SNRPG: variants seen among roughly 807,000 people sequenced by gnomAD.
The protein encoded by SNRPG is small nuclear ribonucleoprotein polypeptide G.
A neutral mutation model predicts 13.9 loss-of-function variants in SNRPG; 3 were observed. The observed-to-expected ratio is 0.22, with a 90% confidence interval of 0.10 to 0.56. The LOEUF (loss-of-function observed/expected upper bound fraction) is 0.56. SNRPG is among the 20% of genes least tolerant of loss of function. SNRPG has a pLI of 0.93. For synonymous variants in SNRPG, 29 were observed against 29.3 expected (o/e 0.99, Z 0.03); for missense variants, 34 against 96.1 (o/e 0.35, Z 2.70).
At chr2:70,286,736 A>C (rs1234458189) in intron 3 of SNRPG, among the ~76,000 whole-genome samples, 1 of 152,230 alleles carries the variant, frequency 6.6e-6, no homozygotes, top group South Asian at 2.1e-4. Flanking sequence ...TAAAATTCCA[A>C]TGAGCAGTGT....
intron 3 of SNRPG, among the ~76,000 whole-genome samples, chr2:70,284,415 G>C (rs1051469012): frequency 6.6e-6 from 1 of 152,038 alleles, no homozygotes; most frequent in Non-Finnish European, 1.5e-5. Flanking sequence ...ACAGGGTCTT[G>C]CTCTGTCACC....
intron 3 of SNRPG, among the ~76,000 whole-genome samples, chr2:70,282,681 ATAT>A (rs1321852613): frequency 6.6e-6 from 1 of 152,218 alleles, no homozygotes; most frequent in Non-Finnish European, 1.5e-5. Flanking sequence ...CTGCAACAAG[ATAT>A]TATATAAATA....
At chr2:70,286,894 T>C (rs1484634239) in intron 3 of SNRPG, among the ~76,000 whole-genome samples, 1 of 152,226 alleles carries the variant, frequency 6.6e-6, no homozygotes, top group African/African-American at 2.4e-5. Flanking sequence ...AAATAAGGGC[T>C]GAGAGGAAAA....
At chr2:70,286,203 T>C (rs1032542359) in intron 3 of SNRPG, among the ~76,000 whole-genome samples, 6 of 152,162 alleles carry the variant, frequency 3.9e-5, no homozygotes, top group Admixed American at 3.9e-4. Context: ...GCTGGGATTA[T>C]AGATGTGAGC....
intron 1 of SNRPG, among the ~76,000 whole-genome samples, chr2:70,291,561 A>G (rs1697097371): frequency 6.6e-6 from 1 of 152,188 alleles, no homozygotes; most frequent in Admixed American, 6.6e-5. Flanking sequence ...GTAGCACCAG[A>G]TTCCCTACTC....
rs56202448 is a variant in SNRPG, at chr2:70,291,014, AACACACACAC to A, written c.33-1652_33-1643del. 6.1e-3 allele frequency among the ~76,000 whole-genome samples: 816 copies of A among 133,656 alleles called. 7 individuals are homozygous for A. The highest frequency in any genetic ancestry group is 8.9e-3 in the Admixed American group (113 of 12,742). 87.7% of individuals were successfully genotyped at this position (133,656 alleles called of 152,430 possible). ...CAATAAGAGTGAAACTCCATCTCAA[AACACACACAC>A]ACACACACACACACACACACACACA... On this transcript the variant is annotated intron_variant, in intron 1 of 3. Transcript: ENST00000272348.
intron 2 of SNRPG, 108 bp from the exon 3 acceptor site, chr2:70,288,300 AC>A: frequency 2.4e-6 from 2 of 825,408 alleles, no homozygotes; most frequent in Non-Finnish European, 4.0e-6. Flanking sequence ...TCTGAAACCC[AC>A]TATCCTTACT....
intron 3 of SNRPG, chr2:70,287,482 T>C (rs1696972393): frequency 1.7e-6 from 1 of 578,706 alleles, no homozygotes; most frequent in South Asian, 2.2e-5. Context: ...GAGGGCTCAG[T>C]ATGTGCTTAT....
chr2:70,291,889 A>T (rs774695610), intron 1 of SNRPG, among the ~76,000 whole-genome samples: 2 of 151,312 alleles, frequency 1.3e-5, no homozygotes, highest in African/African-American at 2.4e-5. Context: ...TACTTACATC[A>T]CCAAAAATAA....
chr2:70,292,378 G>A (rs1697122355), intron 1 of SNRPG, among the ~76,000 whole-genome samples: 1 of 150,528 alleles, frequency 6.6e-6, no homozygotes, highest in Admixed American at 6.6e-5. Flanking sequence ...ACAGAGTTTC[G>A]GTCTTGTTAC....
chr2:70,282,063 C>T (rs953617423), intron 3 of SNRPG, among the ~76,000 whole-genome samples: 5 of 152,104 alleles, frequency 3.3e-5, no homozygotes, highest in African/African-American at 1.2e-4. Flanking sequence ...ATTACAGGAG[C>T]CCTGACCACG....
At chr2:70,283,116 A>AC (rs1433854361) in intron 3 of SNRPG, among the ~76,000 whole-genome samples, 14 of 148,746 alleles carry the variant, frequency 9.4e-5, no homozygotes, top group Non-Finnish European at 1.6e-4. Flanking sequence ...AAAAAAAAAA[A>AC]AAAAAAAACA....
At chr2:70,292,799 A>C (rs1697134115) in intron 1 of SNRPG, 1 of 253,232 alleles carries the variant, frequency 3.9e-6, no homozygotes, top group Admixed American at 5.0e-5. Context: ...TCCAACTAAT[A>C]CATGTAGAAT....
intron 3 of SNRPG, among the ~76,000 whole-genome samples, chr2:70,283,980 C>A (rs1056701742): frequency 3.9e-5 from 6 of 152,146 alleles, no homozygotes; most frequent in Non-Finnish European, 8.8e-5. Context: ...ATCAACTGAG[C>A]CCAGGGAGGT....
chr2:70,287,771 G>A, intron 3 of SNRPG: 2 of 445,204 alleles, frequency 4.5e-6, no homozygotes, highest in Admixed American at 3.9e-5. Flanking sequence ...TAAGGTTTCA[G>A]AACTACTGCT....
chr2:70,286,780 T>C (rs1455216253), intron 3 of SNRPG, among the ~76,000 whole-genome samples: 1 of 152,238 alleles, frequency 6.6e-6, no homozygotes, highest in Non-Finnish European at 1.5e-5. Context: ...CAAAGCAGAA[T>C]TGACAATTAG....
intron 1 of SNRPG, chr2:70,293,263 C>T: frequency 2.9e-6 from 2 of 701,230 alleles, no homozygotes; most frequent in Admixed American, 4.0e-5. Context: ...GAATTTCCCC[C>T]TCTAGCCGTC....
chr2:70,293,081 G>A (rs994228357), intron 1 of SNRPG: 9 of 701,784 alleles, frequency 1.3e-5, no homozygotes, highest in Non-Finnish European at 2.1e-5. Context: ...GATAACACAT[G>A]ACATTCAAGC....
In SNRPG at chr2:70,291,014, AACACACACACACACACACAC is replaced by A. The variant is rs56202448; in HGVS notation, c.33-1662_33-1643del. ...CAATAAGAGTGAAACTCCATCTCAAAACACACACACACACACACACACACACACACACACACACACACACA... is the reference window on the plus strand; with the variant it reads ...CAATAAGAGTGAAACTCCATCTCAAAACACACACACACACACACACACACA... On this transcript the variant is annotated intron_variant, in intron 1 of 3. Transcript: ENST00000272348. Among the ~76,000 whole-genome samples the A allele has an allele frequency of 3.0e-4, 40 of 133,672 alleles. No homozygotes were observed. In the Middle Eastern group the frequency reaches 0.022, roughly 75 times the overall value. 87.7% of individuals were successfully genotyped at this position (133,672 alleles called of 152,430 possible). A position where few individuals can be genotyped will look rare whatever the true frequency, so the allele number is the denominator to read the frequency against.
Sources: gnomAD v4.1 joint callset for allele counts (sites outside exome capture counted in the v4.1 genomes callset) on GRCh38, gnomAD v4.1.1 for gene constraint, MANE v1.5 for transcripts, NCBI Gene and HGNC (gene_info 2026-07-23, HGNC 2026-07-21) for gene names.